Variants in ZCWPW1 observed in about 807,000 individuals in gnomAD.
ZCWPW1 encodes the protein zinc finger CW-type PWWP domain protein 1.
Under a neutral mutation model 81.3 loss-of-function variants are expected in ZCWPW1, and 56 were observed. That is an observed-to-expected ratio of 0.69 (90% CI 0.56 to 0.86). The LOEUF (loss-of-function observed/expected upper bound fraction) is 0.86, where lower values mean the gene tolerates loss of function less well. Among genes scored for constraint, ZCWPW1 ranks in the 40% least tolerant of loss-of-function variants. ZCWPW1 has a pLI of 0.00. For missense variants in ZCWPW1, 650 were observed against 769.8 expected (o/e 0.84, Z 1.84); for synonymous variants, 250 against 273.7 (o/e 0.91, Z 0.86).
rs527738358 is a variant in ZCWPW1, at chr7:100,405,301, G to A, written c.1174-208C>T. 1.6e-3 allele frequency among the ~76,000 whole-genome samples: 236 copies of A among 152,068 alleles called. 1 individual carries two copies. Among genetic ancestry groups the A allele is most frequent in the African/African-American group, 5.4e-3 (223 of 41,462 alleles). On this transcript the variant is annotated intron_variant, in intron 12 of 17. Transcript: ENST00000684423. ...AAATTAGTTGGACATGGTGGTGGGC[G>A]CCTGTAACCCCAGCTCCTCGGGAGG...
rs180916089 is a variant in ZCWPW1, at chr7:100,415,852, A to C, written c.754+123T>G. On this transcript the variant is annotated intron_variant, in intron 8 of 17. Transcript: ENST00000684423. ...TTATTCTTTCGGCAGCATATTCTGC[A>C]ACAAGCAGCTGTGAGAGATTGACTA... 454 of 1,301,588 alleles carry C rather than the reference A, an allele frequency of 3.5e-4. 23 individuals are homozygous for C. Among genetic ancestry groups the C allele is most frequent in the East Asian group, 2.9e-3 (126 of 43,082 alleles). The allele number at this position is 1,301,588 out of a possible 1,614,324, so 80.6% of individuals were successfully genotyped here.
At chr7:100,415,177 G>C (rs931979942) in intron 8 of ZCWPW1, among the ~76,000 whole-genome samples, 20 of 142,872 alleles carry the variant, frequency 1.4e-4, no homozygotes, top group Admixed American at 7.1e-5. Context: ...TCCGTCTCCT[G>C]GGTTCAAGCG....
At chr7:100,426,714 T>A (rs1254285575) in intron 1 of ZCWPW1, among the ~76,000 whole-genome samples, 1 of 128,652 alleles carries the variant, frequency 7.8e-6, no homozygotes, top group Non-Finnish European at 1.6e-5. Context: ...TCCTTCTGTC[T>A]CCCTTTGTCC....
chr7:100,410,810 A>G (rs1794009015), intron 8 of ZCWPW1, among the ~76,000 whole-genome samples: 1 of 152,172 alleles, frequency 6.6e-6, no homozygotes, highest in African/African-American at 2.4e-5. Flanking sequence ...CTTTCATTTT[A>G]TCTAGCTCTC....
At position 100,404,204 on chromosome 7, in the gene ZCWPW1, C is replaced by G; in HGVS notation, c.1295G>C (p.Gly432Ala). The G allele has an allele frequency of 6.2e-7, 1 of 1,614,144 alleles. No homozygotes were observed. Among genetic ancestry groups the G allele is most frequent in the Non-Finnish European group, 8.5e-7 (1 of 1,180,006 alleles). The change falls in exon 14 of 18, where the codon GGA (glycine) becomes GCA (alanine). Residue 432 changes from glycine to alanine, a missense_variant. Gly to Ala is a moderately conservative substitution (Grantham distance 60). Transcript: ENST00000684423. ...NLFGFWSRFN[G>A]SNSNGERKDL... is the part of the protein sequence containing the mutation. ...TTTTCTTTCCCCATTACTGTTAGAT[C>G]CGTTGAATCGGCTCCAGAAACCAAA...
At chr7:100,404,939 T>C (rs1050763420) in intron 13 of ZCWPW1, 74 bp downstream of exon 13, 2 of 1,499,068 alleles carry the variant, frequency 1.3e-6, no homozygotes, top group African/African-American at 1.4e-5. Flanking sequence ...AAACCATCTT[T>C]GTCTGGACTG....
At chr7:100,408,112 G>C (rs1189666225) in intron 10 of ZCWPW1, among the ~76,000 whole-genome samples, 1 of 152,070 alleles carries the variant, frequency 6.6e-6, no homozygotes, top group Non-Finnish European at 1.5e-5. Flanking sequence ...CACCACGTCT[G>C]GCTAATTTTT....
chr7:100,403,604 G>T, intron 15 of ZCWPW1, 90 bp downstream of exon 15: 1 of 1,125,984 alleles, frequency 8.9e-7, no homozygotes, highest in Non-Finnish European at 1.3e-6. Flanking sequence ...TGGGAGGATT[G>T]CCTAAGTCCA....
At position 100,426,625 on chromosome 7, in the gene ZCWPW1, C is replaced by T. The variant is rs189702312; in HGVS notation, c.-136-1489G>A. The stretch of plus-strand genomic sequence containing the variant: ...CAATTAACTAATAGCAGTTTCCTCC[C>T]TCCCTCTCACTTTTTCTCCCTCCCT... On this transcript the variant is annotated intron_variant, in intron 1 of 17. Transcript: ENST00000684423. Among the ~76,000 whole-genome samples the T allele has an allele frequency of 3.5e-3, 527 of 148,954 alleles. 4 individuals are homozygous for T. The highest frequency in any genetic ancestry group is 0.013 in the African/African-American group (500 of 38,762).
At chr7:100,418,514 T>C (rs1271371052) in intron 5 of ZCWPW1, among the ~76,000 whole-genome samples, 3 of 151,976 alleles carry the variant, frequency 2.0e-5, no homozygotes, top group Admixed American at 2.0e-4. Context: ...AACAACAGGC[T>C]GGGTGCAGTG....
intron 2 of ZCWPW1, among the ~76,000 whole-genome samples, chr7:100,423,703 A>C (rs1239637982): frequency 6.6e-6 from 1 of 152,176 alleles, no homozygotes; most frequent in African/African-American, 2.4e-5. Context: ...AAAAAAGGCA[A>C]GTTGGAATTT....
intron 5 of ZCWPW1, among the ~76,000 whole-genome samples, chr7:100,417,762 C>T (rs1795594698): frequency 6.6e-6 from 1 of 151,834 alleles, no homozygotes. Context: ...TCATTTGTTG[C>T]TCAAACGCCT....
At chr7:100,423,180 A>C (rs1274738437) in intron 2 of ZCWPW1, among the ~76,000 whole-genome samples, 1 of 152,230 alleles carries the variant, frequency 6.6e-6, no homozygotes. Context: ...CTCAGTGTTA[A>C]TATATTGTTG....
In ZCWPW1 at chr7:100,417,953, C is replaced by T. The variant is rs1170420351; in HGVS notation, c.362-770G>A. Among the ~76,000 whole-genome samples, 4 of 151,806 alleles carry T rather than the reference C, an allele frequency of 2.6e-5. No homozygotes were observed. The East Asian group carries it at 5.9e-4, about 22-fold the overall frequency. Reference sequence around the variant, plus strand: ...AGGCTGGAGTGAGGTGGCGAAATCTCGGCTCACTGCAACTTCCGCCTCCCA... The same window carrying T: ...AGGCTGGAGTGAGGTGGCGAAATCTTGGCTCACTGCAACTTCCGCCTCCCA... On this transcript the variant is annotated intron_variant, in intron 5 of 17. Coordinates refer to ENST00000684423, the MANE Select transcript of ZCWPW1 (RefSeq NM_001386010.1).
At chr7:100,419,457 T>A (rs896654131) in intron 4 of ZCWPW1, among the ~76,000 whole-genome samples, 173 bp downstream of exon 4, 1 of 151,862 alleles carries the variant, frequency 6.6e-6, no homozygotes, top group Middle Eastern at 3.2e-3. Context: ...AATTCTTTCA[T>A]CAAAACATTT....
chr7:100,410,896 T>C (rs1237259068), intron 8 of ZCWPW1, among the ~76,000 whole-genome samples: 1 of 152,232 alleles, frequency 6.6e-6, no homozygotes, highest in Non-Finnish European at 1.5e-5. Context: ...CTGGTTTGAT[T>C]ACTTGACATT....
intron 15 of ZCWPW1, among the ~76,000 whole-genome samples, 175 bp downstream of exon 15, chr7:100,403,519 A>T (rs569674507): frequency 6.6e-6 from 1 of 151,268 alleles, no homozygotes; most frequent in Non-Finnish European, 1.5e-5. Flanking sequence ...CCAGCCATCT[A>T]AACAATTTTT....
At chr7:100,425,618 T>G (rs903997755) in intron 1 of ZCWPW1, among the ~76,000 whole-genome samples, 1 of 152,186 alleles carries the variant, frequency 6.6e-6, no homozygotes, top group Non-Finnish European at 1.5e-5. Flanking sequence ...CTATCTGTAT[T>G]AAGCTGGATT....
intron 2 of ZCWPW1, among the ~76,000 whole-genome samples, chr7:100,423,603 AACG>A (rs1796742865): frequency 6.6e-6 from 1 of 152,206 alleles, no homozygotes; most frequent in Non-Finnish European, 1.5e-5. Context: ...GTTCTAAAGC[AACG>A]ACGTTTCCTT....
Sources: allele counts gnomAD v4.1 joint callset (sites outside exome capture counted in the v4.1 genomes callset), GRCh38; gene constraint gnomAD v4.1.1; transcripts MANE v1.5; gene names NCBI Gene and HGNC (gene_info 2026-07-23, HGNC 2026-07-21).